The following CRACD variants were observed in gnomAD, a reference collection of about 807,000 sequenced individuals.
CRACD encodes the protein capping protein inhibiting regulator of actin dynamics.
In CRACD, 56 loss-of-function variants were observed where a neutral mutation model predicts 106.8. The observed-to-expected ratio is 0.52, with a 90% CI of 0.42 to 0.66. CRACD has a LOEUF of 0.66. Ranked by LOEUF, CRACD falls within the 30% of genes least tolerant of loss-of-function variation. CRACD has a pLI of 0.00. For synonymous variants in CRACD, 754 were observed against 670.8 expected (o/e 1.12, Z -1.92); for missense variants, 1,730 against 1,623.2 (o/e 1.07, Z -1.13).
chr4:56,276,481 C>T (rs1742680000), intron 3 of CRACD, among the ~76,000 whole-genome samples: 1 of 152,092 alleles, frequency 6.6e-6, no homozygotes, highest in African/African-American at 2.4e-5. Context: ...AAAGGTACCA[C>T]TAATTGAAGT....
chr4:56,294,222 TAAA>T (rs34697625), intron 3 of CRACD, among the ~76,000 whole-genome samples: 1 of 142,210 alleles, frequency 7.0e-6, no homozygotes. Flanking sequence ...GACCCTGTCT[TAAA>T]AAAAAAAAAA....
chr4:56,292,154 G>C (rs1421269150), intron 3 of CRACD, among the ~76,000 whole-genome samples: 1 of 152,206 alleles, frequency 6.6e-6, no homozygotes, highest in Admixed American at 6.5e-5. Flanking sequence ...CAAATAAATT[G>C]GCTGCATTGT....
At chr4:56,299,686 T>C (rs1744255299) in intron 4 of CRACD, among the ~76,000 whole-genome samples, 1 of 150,666 alleles carries the variant, frequency 6.6e-6, no homozygotes, top group South Asian at 2.1e-4. Flanking sequence ...AAAAAAAAAT[T>C]CGCTTACCCA....
chr4:56,310,575 G>C (rs1363031169), intron 5 of CRACD, 91 bp from the exon 6 acceptor site: 2 of 869,352 alleles, frequency 2.3e-6, no homozygotes, highest in Non-Finnish European at 3.9e-6. Context: ...TAGAGGAGGG[G>C]GTGACCCTAC....
intron 1 of CRACD, among the ~76,000 whole-genome samples, chr4:56,148,562 A>G (rs1735475542): frequency 6.6e-6 from 1 of 151,874 alleles, no homozygotes; most frequent in South Asian, 2.1e-4. Flanking sequence ...CAATGTGCTG[A>G]GATTACAGGC....
chr4:56,284,211 T>A (rs1370683365), intron 3 of CRACD, among the ~76,000 whole-genome samples: 1 of 140,708 alleles, frequency 7.1e-6, no homozygotes, highest in Non-Finnish European at 1.5e-5. Context: ...ACCAGCACTT[T>A]GGGAGGCTGA....
At position 56,314,469 on chromosome 4, in the gene CRACD, C is replaced by A. The variant is rs1336897100; in HGVS notation, c.967C>A (p.Leu323Met). ...RLEAEEERRR[L>M]QAQAQAEERR... Reference sequence around the variant, plus strand: ...GGAGGCGGAGGAGGAGCGAAGGCGTCTGCAGGCCCAGGCCCAAGCGGAGGA... The same window carrying A: ...GGAGGCGGAGGAGGAGCGAAGGCGTATGCAGGCCCAGGCCCAAGCGGAGGA... Residue 323 changes from leucine to methionine, a missense_variant, in exon 8 of 11, where the codon CTG becomes ATG. Physicochemically the swap from Leu to Met is conservative, Grantham distance 15. Around this residue, in one of 5 missense-constraint regions of CRACD, gnomAD observed 1,620 missense variants for 1,481.6 expected, o/e 1.09. Coordinates refer to ENST00000682029, the MANE Select transcript of CRACD (RefSeq NM_001393381.1). This position sits in a 1 kb window ranked among gnomAD's most constrained non-coding sequence, Gnocchi z 4.4. 6.5e-7 allele frequency: 1 copy of A among 1,533,502 alleles called. No individual in the cohort carries two copies. The highest frequency in any genetic ancestry group is 8.8e-7 in the Non-Finnish European group (1 of 1,139,998). 95.0% of individuals were successfully genotyped at this position (1,533,502 alleles called of 1,614,324 possible). A position where few individuals can be genotyped will look rare whatever the true frequency, so the allele number is the denominator to read the frequency against.
At chr4:56,183,237 A>AAATAAAATAAAATAAAATAAAAT (rs1413452654) in intron 2 of CRACD, among the ~76,000 whole-genome samples, 7 of 102,480 alleles carry the variant, frequency 6.8e-5, no homozygotes, top group African/African-American at 3.3e-4. Context: ...CCGTCTCAAA[A>AAATAAAATAAAATAAAATAAAAT]AATAAAATAA....
At chr4:56,318,982 TAGC>T (rs1745866922) in intron 8 of CRACD, among the ~76,000 whole-genome samples, 1 of 152,226 alleles carries the variant, frequency 6.6e-6, no homozygotes, top group East Asian at 1.9e-4. Flanking sequence ...TCTTCGGAAG[TAGC>T]AGGCAAAGAG....
chr4:56,108,656 C>T (rs1181116370), intron 1 of CRACD, among the ~76,000 whole-genome samples: 2 of 151,916 alleles, frequency 1.3e-5, no homozygotes, highest in African/African-American at 4.8e-5. Context: ...ACAAGGGGGG[C>T]AGGGTAAGGA....
At chr4:56,236,755 A>T (rs1483073332) in intron 2 of CRACD, among the ~76,000 whole-genome samples, 1 of 152,098 alleles carries the variant, frequency 6.6e-6, no homozygotes, top group Non-Finnish European at 1.5e-5. Context: ...AAAAAACAAA[A>T]CTTTTGTGCT....
chr4:56,156,643 A>G (rs1400248273), intron 1 of CRACD, among the ~76,000 whole-genome samples: 2 of 152,178 alleles, frequency 1.3e-5, no homozygotes, highest in African/African-American at 2.4e-5. Context: ...CATTCATTCA[A>G]CCAGGTTTTT....
intron 2 of CRACD, among the ~76,000 whole-genome samples, chr4:56,248,738 A>T (rs1740859807): frequency 1.2e-5 from 1 of 85,474 alleles, no homozygotes; most frequent in Non-Finnish European, 2.2e-5. Context: ...CCCCCACCCC[A>T]CAACAGTCCC....
chr4:56,155,459 A>C (rs147271016), intron 1 of CRACD, among the ~76,000 whole-genome samples: 2 of 152,302 alleles, frequency 1.3e-5, no homozygotes, highest in African/African-American at 2.4e-5. Flanking sequence ...CAGGAAGGAG[A>C]CTGAGTATTT....
chr4:56,174,956 C>T lies in CRACD; in HGVS notation c.-335-4328C>T, dbSNP rs116388820. Among the ~76,000 whole-genome samples the T allele has an allele frequency of 7.9e-5, 12 of 152,162 alleles. No homozygotes were observed. The South Asian group carries it at 8.3e-4, about 11-fold the overall frequency. On this transcript the variant is annotated intron_variant, in intron 1 of 10. Coordinates refer to ENST00000682029, the MANE Select transcript of CRACD (RefSeq NM_001393381.1). ...TGGTGGCAAGAGAGAAAGAGTGAGG[C>T]GGGAAAGTGCCACACTTTTAAACTA...
At chr4:56,135,931 C>G (rs1269795257) in intron 1 of CRACD, among the ~76,000 whole-genome samples, 1 of 152,176 alleles carries the variant, frequency 6.6e-6, no homozygotes, top group African/African-American at 2.4e-5. Context: ...CCGCCTTCTA[C>G]TCACACCCTA....
intron 1 of CRACD, among the ~76,000 whole-genome samples, chr4:56,085,453 G>C (rs2109813223): frequency 6.6e-6 from 1 of 152,206 alleles, no homozygotes; most frequent in East Asian, 1.9e-4. Flanking sequence ...ACGGATTCTT[G>C]TCTGAGCTCT....
rs761657865 is a variant in CRACD at position 56,055,048 on chromosome 4, G to T, written c.-336+5749G>T. On this transcript the variant is annotated intron_variant, in intron 1 of 10. Transcript: ENST00000682029. ...ACTTTAAAAAATATTTAAATCAGAA[G>T]TAAATTTAGCCCACTAGAAACGGTT... is the stretch of plus-strand genomic sequence containing the variant. Among the ~76,000 whole-genome samples, 7 of 152,166 alleles carry T rather than the reference G, an allele frequency of 4.6e-5. 1 individual carries two copies. Among genetic ancestry groups the T allele is most frequent in the South Asian group, 2.1e-4 (1 of 4,830 alleles).
chr4:56,242,155 T>A (rs543099799), intron 2 of CRACD, among the ~76,000 whole-genome samples: 1 of 152,128 alleles, frequency 6.6e-6, no homozygotes, highest in East Asian at 1.9e-4. Context: ...AGTATTGGGG[T>A]GGGGGATGAC....
Sources: gnomAD v4.1 joint callset for allele counts (sites outside exome capture counted in the v4.1 genomes callset) on GRCh38, gnomAD v4.1.1 for gene constraint, gnomAD v4.1.1 regional missense constraint, Gnocchi (gnomAD v3.1) non-coding constraint, MANE v1.5 for transcripts, NCBI Gene and HGNC (gene_info 2026-07-23, HGNC 2026-07-21) for gene names.